Variants in LARP4B observed in about 807,000 individuals in gnomAD.
The protein encoded by LARP4B is la-related protein 4B.
LARP4B carries 12 observed loss-of-function variants against 89.8 expected under a neutral mutation model. The ratio of observed to expected loss-of-function variants is 0.13; its 90% CI spans 0.09 to 0.22. The LOEUF is 0.22. Among genes scored for constraint, LARP4B ranks in the 10% least tolerant of loss-of-function variants. LARP4B has a pLI of 1.00. For missense variants in LARP4B, 757 were observed against 947.7 expected (o/e 0.80, Z 2.64); for synonymous variants, 367 against 363.3 (o/e 1.01, Z -0.12).
At chr10:957,996 C>T in the LARP4B span, among the ~76,000 whole-genome samples, 1 of 151,898 alleles carries the variant, frequency 6.6e-6, no homozygotes, top group African/African-American at 2.4e-5. Flanking sequence ...GGGGTTTCGC[C>T]ATGTTGCCCA....
chr10:867,100 C>G (rs1316791824), intron 3 of LARP4B, among the ~76,000 whole-genome samples: 1 of 152,230 alleles, frequency 6.6e-6, no homozygotes, highest in Non-Finnish European at 1.5e-5. Flanking sequence ...TAGGACTCTA[C>G]CCTTAACCAA....
intron 1 of LARP4B, among the ~76,000 whole-genome samples, chr10:921,316 G>A (rs1235498981): frequency 6.6e-6 from 1 of 151,956 alleles, no homozygotes; most frequent in East Asian, 1.9e-4. Context: ...GGAAGTTAAT[G>A]ATCCAGCATT....
At chr10:877,425 A>C (rs1835502550) in intron 3 of LARP4B, among the ~76,000 whole-genome samples, 1 of 151,866 alleles carries the variant, frequency 6.6e-6, no homozygotes, top group Admixed American at 6.6e-5. Flanking sequence ...TGGCTGAAAG[A>C]GCTGAGTGTT....
chr10:928,957 T>A (rs1837225974), intron 1 of LARP4B, among the ~76,000 whole-genome samples: 1 of 152,214 alleles, frequency 6.6e-6, no homozygotes, highest in Non-Finnish European at 1.5e-5. Flanking sequence ...TCAAAACTTG[T>A]GCTTACTTAT....
chr10:912,827 CTGCACTCCAACCTGA>C (rs1474937166), intron 1 of LARP4B, among the ~76,000 whole-genome samples: 3 of 152,142 alleles, frequency 2.0e-5, no homozygotes, highest in Non-Finnish European at 4.4e-5. Flanking sequence ...GCAGAGGTCA[CTGCACTCCAACCTGA>C]ATGGCAGTGA....
intron 14 of LARP4B, chr10:819,735 TG>T (rs1245473535): frequency 2.0e-5 from 3 of 152,234 alleles, no homozygotes; most frequent in Non-Finnish European, 4.4e-5. Context: ...TGCAATTAAC[TG>T]GTAAAAACTG....
At position 864,189 on chromosome 10, in the gene LARP4B, C is replaced by G. The variant is rs756980515; in HGVS notation, c.223G>C (p.Ala75Pro). Residue 75 changes from alanine (A) to proline (P), a missense_variant, in exon 4 of 18, where the codon GCT becomes CCT. Physicochemically the swap from Ala to Pro is conservative, Grantham distance 27. This residue lies in a region of LARP4B where 175 missense variants were observed against 187.0 expected (regional missense o/e 0.94). Transcript: ENST00000316157. ...APVLHLEASS[A>P]ADGVSAAWEE... ...CATGCAGCACTCACACCGTCAGCAG[C>G]ACTGCTTGCTTCCAGATGTAACACA... 1 of 1,614,246 alleles carries G rather than the reference C, an allele frequency of 6.2e-7. No individual in the cohort carries two copies. Among genetic ancestry groups the G allele is most frequent in the South Asian group, 1.1e-5 (1 of 91,088 alleles).
In LARP4B at chr10:834,446, G is replaced by C. The variant is rs150779825; in HGVS notation, c.750+1957C>G. Among the ~76,000 whole-genome samples the C allele has an allele frequency of 2.8e-3, 421 of 152,290 alleles. 1 individual carries two copies. The highest frequency in any genetic ancestry group is 8.2e-3 in the African/African-American group (339 of 41,542). ...CAGTATTTAAAATGTACTAATCACTGACAAGTACCTAGTGACATTTAAAGA... is the reference window on the plus strand; with the variant it reads ...CAGTATTTAAAATGTACTAATCACTCACAAGTACCTAGTGACATTTAAAGA... On this transcript the variant is annotated intron_variant, in intron 8 of 17. Transcript: ENST00000316157.
chr10:948,925 GT>G, the LARP4B span, among the ~76,000 whole-genome samples: 1 of 152,324 alleles, frequency 6.6e-6, no homozygotes, highest in South Asian at 2.1e-4. Flanking sequence ...GTAGCTTCCA[GT>G]TTTTGACCAT....
chr10:940,841 T>C, the LARP4B span, among the ~76,000 whole-genome samples: 4 of 152,136 alleles, frequency 2.6e-5, no homozygotes, highest in Non-Finnish European at 5.9e-5. Flanking sequence ...CACATAGAAA[T>C]TACTGTATGC....
In LARP4B at chr10:884,526, GACA is replaced by G. The variant is rs766004696; in HGVS notation, c.82-23_82-21del. 10 of 1,514,468 alleles carry G rather than the reference GACA, an allele frequency of 6.6e-6. No individual in the cohort carries two copies. The highest frequency in any genetic ancestry group is 9.2e-6 in the Non-Finnish European group (10 of 1,090,208). 93.8% of individuals were successfully genotyped at this position (1,514,468 alleles called of 1,614,324 possible). Reference sequence around the variant, plus strand: ...ATTCATCTGTAAAATTGAAAACAAAGACAACATCAGTACAATGTTTAAAAAGAA... The same window carrying G: ...ATTCATCTGTAAAATTGAAAACAAAGACATCAGTACAATGTTTAAAAAGAA... On this transcript the variant is annotated intron_variant, in intron 2 of 17. Transcript: ENST00000316157.
chr10:835,826 G>A (rs1419107680), intron 8 of LARP4B, among the ~76,000 whole-genome samples: 1 of 152,010 alleles, frequency 6.6e-6, no homozygotes, highest in Non-Finnish European at 1.5e-5. Context: ...CCAGCTACTC[G>A]GGAGGCTGAG....
chr10:862,193 C>G (rs1206774371), intron 5 of LARP4B, among the ~76,000 whole-genome samples: 2 of 145,306 alleles, frequency 1.4e-5, no homozygotes, highest in Non-Finnish European at 3.0e-5. Context: ...AATTTTTGTA[C>G]CTTTATAAAT....
chr10:924,361 CAAG>C (rs903230695), intron 1 of LARP4B: 1 of 152,232 alleles, frequency 6.6e-6, no homozygotes, highest in African/African-American at 2.4e-5. Context: ...GAGGTGTACA[CAAG>C]AAGAAAGAGA....
chr10:862,496 TGTG>T (rs765789547), intron 5 of LARP4B, among the ~76,000 whole-genome samples: 112 of 152,084 alleles, frequency 7.4e-4, no homozygotes, highest in Non-Finnish European at 1.1e-3. Flanking sequence ...TAAGAACAAT[TGTG>T]GTAATAAAAA....
the LARP4B span, chr10:972,420 A>C: frequency 2.3e-6 from 1 of 431,480 alleles, no homozygotes; most frequent in Non-Finnish European, 4.6e-6. Flanking sequence ...CAGAAACATG[A>C]GCCAAAAAAA....
At chr10:928,802 C>G (rs886497931) in intron 1 of LARP4B, among the ~76,000 whole-genome samples, 1 of 152,114 alleles carries the variant, frequency 6.6e-6, no homozygotes, top group African/African-American at 2.4e-5. Flanking sequence ...GGCTGGTGAA[C>G]TCCTGGGCTC....
At chr10:956,342 T>C in the LARP4B span, among the ~76,000 whole-genome samples, 1 of 151,684 alleles carries the variant, frequency 6.6e-6, no homozygotes, top group African/African-American at 2.4e-5. This position sits in a 1 kb window ranked among gnomAD's most constrained non-coding sequence, Gnocchi z 4.3. Context: ...ACTCAGAAAT[T>C]CTTTTTTTTT....
Position 814,538 on chromosome 10 carries a change from C to G in LARP4B, c.1929+204G>C, listed in dbSNP as rs995881107. ...TGAAATAAAAGGACTACATGGTGGT[C>G]TGAGAAAGAACTAGAGTAGTTAGTG... On this transcript the variant is annotated intron_variant, in intron 17 of 17. Coordinates refer to ENST00000316157, the MANE Select transcript of LARP4B (RefSeq NM_015155.3). This position sits in a 1 kb window ranked among gnomAD's most constrained non-coding sequence, Gnocchi z 4.4. The G allele has an allele frequency of 8.6e-7, 1 of 1,163,326 alleles. No homozygotes were observed. Among genetic ancestry groups the G allele is most frequent in the African/African-American group, 1.5e-5 (1 of 65,234 alleles). The allele number at this position is 1,163,326 out of a possible 1,614,324, so 72.1% of individuals were successfully genotyped here. A position where few individuals can be genotyped will look rare whatever the true frequency, so the allele number is the denominator to read the frequency against.
Sources: allele counts gnomAD v4.1 joint callset (sites outside exome capture counted in the v4.1 genomes callset), GRCh38; gene constraint gnomAD v4.1.1; regional missense constraint gnomAD v4.1.1; non-coding constraint Gnocchi (gnomAD v3.1); transcripts MANE v1.5; gene names NCBI Gene and HGNC (gene_info 2026-07-23, HGNC 2026-07-21).